BTG2: variants seen among roughly 807,000 people sequenced by gnomAD.
BTG2 encodes protein BTG2.
A neutral mutation model predicts 13.1 loss-of-function variants in BTG2; 9 were observed. The observed-to-expected ratio is 0.69, with a 90% confidence interval of 0.41 to 1.20. The LOEUF is 1.20. Ranked by LOEUF, BTG2 falls within the 50% of genes most tolerant of loss-of-function variation. BTG2 has a pLI of 0.00. For synonymous variants in BTG2, 92 were observed against 88.6 expected (o/e 1.04, Z -0.21); for missense variants, 200 against 209.5 (o/e 0.95, Z 0.28).
At position 203,305,615 on chromosome 1, in the gene BTG2, C is replaced by A; in HGVS notation, c.9C>A (p.His3Gln). 6.2e-7 allele frequency: 1 copy of A among 1,602,692 alleles called. No homozygotes were observed. Among genetic ancestry groups the A allele is most frequent in the Non-Finnish European group, 8.5e-7 (1 of 1,174,730 alleles). MSHGKGTDMLPEI... is the reference protein window; with the variant it reads MSQGKGTDMLPEI... ...CCCGAGCCGCGCGCGACATGAGCCACGGGAAGGGAACCGACATGCTCCCGG... is the reference window on the plus strand; with the variant it reads ...CCCGAGCCGCGCGCGACATGAGCCAAGGGAAGGGAACCGACATGCTCCCGG... Residue 3 changes from histidine to glutamine, a missense_variant, in exon 1 of 2, where the codon CAC (histidine) becomes CAA (glutamine). Coordinates refer to ENST00000290551, the MANE Select transcript of BTG2 (RefSeq NM_006763.3).
rs11586635 is a variant in BTG2, at chr1:203,308,649, G to T, written c.*1211G>T. The T allele has an allele frequency of 8.6e-4, 131 of 152,720 alleles. No homozygotes were observed. The highest frequency in any genetic ancestry group is 4.3e-4 in the Non-Finnish European group (29 of 68,014). The allele number at this position is 152,720 out of a possible 1,614,324, so 9.5% of individuals were successfully genotyped here. On this transcript the variant is annotated 3_prime_UTR_variant, in exon 2 of 2. Coordinates refer to ENST00000290551, the MANE Select transcript of BTG2 (RefSeq NM_006763.3). Reference sequence around the variant, plus strand: ...CTTGCATGTATTCCTTGGCTGAATGGGAGAGTGCCCCATGTTCTGCAAGAC... The same window carrying T: ...CTTGCATGTATTCCTTGGCTGAATGTGAGAGTGCCCCATGTTCTGCAAGAC...
rs907617206 is a variant in BTG2 at position 203,308,163 on chromosome 1, G to C, written c.*725G>C. On this transcript the variant is annotated 3_prime_UTR_variant, in exon 2 of 2. Transcript: ENST00000290551. Reference sequence around the variant, plus strand: ...AGGTTATTGGGGTTAGGATGGAAGGGAACTCTGCACAAAACCTTTGCTTTG... The same window carrying C: ...AGGTTATTGGGGTTAGGATGGAAGGCAACTCTGCACAAAACCTTTGCTTTG... 6.6e-6 allele frequency: 1 copy of C among 152,540 alleles called. No individual in the cohort carries two copies. Among genetic ancestry groups the C allele is most frequent in the Non-Finnish European group, 1.5e-5 (1 of 68,020 alleles). 9.4% of individuals were successfully genotyped at this position (152,540 alleles called of 1,614,324 possible). A position where few individuals can be genotyped will look rare whatever the true frequency, so the allele number is the denominator to read the frequency against.
chr1:203,306,099 T>C (rs1658256679), intron 1 of BTG2, among the ~76,000 whole-genome samples: 1 of 151,916 alleles, frequency 6.6e-6, no homozygotes, highest in African/African-American at 2.4e-5. Flanking sequence ...TCGATGGATG[T>C]TGTTGCGGGC....
rs1185363200 is a variant in BTG2 at position 203,308,123 on chromosome 1, G to C, written c.*685G>C. ...AAAGCTTTGGGTTTTCTGAGGGGGG[G>C]GAGGAGGGAACTGGAGGTTATTGGG... On this transcript the variant is annotated 3_prime_UTR_variant, in exon 2 of 2. Coordinates refer to ENST00000290551, the MANE Select transcript of BTG2 (RefSeq NM_006763.3). The C allele has an allele frequency of 6.6e-6, 1 of 152,514 alleles. No individual in the cohort carries two copies. Among genetic ancestry groups the C allele is most frequent in the African/African-American group, 2.4e-5 (1 of 41,372 alleles). The allele number at this position is 152,514 out of a possible 1,614,324, so 9.4% of individuals were successfully genotyped here.
chr1:203,305,594 A>C lies in BTG2; in HGVS notation c.-13A>C. 3 of 1,599,946 alleles carry C rather than the reference A, an allele frequency of 1.9e-6. No individual in the cohort carries two copies. The highest frequency in any genetic ancestry group is 2.6e-6 in the Non-Finnish European group (3 of 1,173,282). ...CACCCGAGACCTCTCACTGAGCCCG[A>C]GCCGCGCGCGACATGAGCCACGGGA... On this transcript the variant is annotated 5_prime_UTR_variant, in exon 1 of 2. Coordinates refer to ENST00000290551, the MANE Select transcript of BTG2 (RefSeq NM_006763.3).
In BTG2 at chr1:203,305,745, A is replaced by C; in HGVS notation, c.139A>C (p.Thr47Pro). 1 of 1,547,028 alleles carries C rather than the reference A, an allele frequency of 6.5e-7. No individual in the cohort carries two copies. Among genetic ancestry groups the C allele is most frequent in the Non-Finnish European group, 8.7e-7 (1 of 1,145,544 alleles). The stretch of plus-strand genomic sequence containing the variant: ...CAGCGGGGCGCTCCAGGAGGCACTC[A>C]CAGGTGAGCGCATGCCGAGGGGCCT... ...VFSGALQEAL[T>P]EHYKHHWFPE... Residue 47 changes from threonine to proline, a missense_variant, in exon 1 of 2, where the codon ACA becomes CCA. By Grantham distance (38) the Thr-to-Pro change is conservative. Transcript: ENST00000290551.
At chr1:203,306,567 T>C (rs10920607) in intron 1 of BTG2, among the ~76,000 whole-genome samples, 26,558 of 152,062 alleles carry the variant, frequency 0.17, 3,139 homozygotes, top group East Asian at 0.43. Flanking sequence ...GAAGGTTCTC[T>C]GACTCTTCTG....
At position 203,305,548 on chromosome 1, in the gene BTG2, G is replaced by A; in HGVS notation, c.-59G>A. 6.4e-7 allele frequency: 1 copy of A among 1,555,134 alleles called. No homozygotes were observed. Among genetic ancestry groups the A allele is most frequent in the Non-Finnish European group, 8.7e-7 (1 of 1,149,248 alleles). ...CCCGAGCAGCGGCCAGGGTAACGCT[G>A]TCTTGTGGACCCGCACTTCCCACCC... On this transcript the variant is annotated 5_prime_UTR_variant, in exon 1 of 2. Transcript: ENST00000290551.
Position 203,307,717 on chromosome 1 carries a change from G to T in BTG2, c.*279G>T. On this transcript the variant is annotated 3_prime_UTR_variant, in exon 2 of 2. Transcript: ENST00000290551. ...TGCCTATAGGAGGGGGAGCTGTTAG[G>T]GGGTAGACCTAGCCAAGGAGAAGTG... 4.2e-6 allele frequency: 1 copy of T among 238,860 alleles called. No homozygotes were observed. The highest frequency in any genetic ancestry group is 7.9e-6 in the Non-Finnish European group (1 of 126,254). The allele number at this position is 238,860 out of a possible 1,614,324, so 14.8% of individuals were successfully genotyped here. A position where few individuals can be genotyped will look rare whatever the true frequency, so the allele number is the denominator to read the frequency against.
At position 203,305,563 on chromosome 1, in the gene BTG2, A is replaced by C. The variant is rs1239816460; in HGVS notation, c.-44A>C. 6.3e-7 allele frequency: 1 copy of C among 1,576,004 alleles called. No homozygotes were observed. Among genetic ancestry groups the C allele is most frequent in the African/African-American group, 1.4e-5 (1 of 73,070 alleles). On this transcript the variant is annotated 5_prime_UTR_variant, in exon 1 of 2. Transcript: ENST00000290551. ...GGGTAACGCTGTCTTGTGGACCCGCACTTCCCACCCGAGACCTCTCACTGA... is the reference window on the plus strand; with the variant it reads ...GGGTAACGCTGTCTTGTGGACCCGCCCTTCCCACCCGAGACCTCTCACTGA...
rs1451389860 is a variant in BTG2 at position 203,307,413 on chromosome 1, A to G, written c.452A>G (p.Asn151Ser). The G allele has an allele frequency of 5.0e-6, 8 of 1,596,630 alleles. No homozygotes were observed. The highest frequency in any genetic ancestry group is 6.9e-6 in the Non-Finnish European group (8 of 1,167,442). The change falls in exon 2 of 2, where the codon AAC becomes AGC. Residue 151 changes from asparagine to serine, a missense_variant. Transcript: ENST00000290551. ...VLLGRSSPSK[N>S]YVMAVSS Reference sequence around the variant, plus strand: ...CTGGGCCGGAGCAGCCCCTCCAAGAACTACGTGATGGCAGTCTCCAGCTAG... The same window carrying G: ...CTGGGCCGGAGCAGCCCCTCCAAGAGCTACGTGATGGCAGTCTCCAGCTAG...
In BTG2 at chr1:203,305,593, G is replaced by C. The variant is rs1180737634; in HGVS notation, c.-14G>C. Reference sequence around the variant, plus strand: ...CCACCCGAGACCTCTCACTGAGCCCGAGCCGCGCGCGACATGAGCCACGGG... The same window carrying C: ...CCACCCGAGACCTCTCACTGAGCCCCAGCCGCGCGCGACATGAGCCACGGG... On this transcript the variant is annotated 5_prime_UTR_variant, in exon 1 of 2. Coordinates refer to ENST00000290551, the MANE Select transcript of BTG2 (RefSeq NM_006763.3). The C allele has an allele frequency of 2.5e-6, 4 of 1,600,574 alleles. No individual in the cohort carries two copies. The highest frequency in any genetic ancestry group is 3.4e-6 in the Non-Finnish European group (4 of 1,173,386).
chr1:203,308,222 A>G lies in BTG2; in HGVS notation c.*784A>G, dbSNP rs1658318279. The stretch of plus-strand genomic sequence containing the variant: ...GCTTTGTGTGTATGTGTGGCAAATA[A>G]TTTGGGGGTGATTTGCAATGAAATT... On this transcript the variant is annotated 3_prime_UTR_variant, in exon 2 of 2. Coordinates refer to ENST00000290551, the MANE Select transcript of BTG2 (RefSeq NM_006763.3). 6.6e-6 allele frequency: 1 copy of G among 152,564 alleles called. No homozygotes were observed. Among genetic ancestry groups the G allele is most frequent in the Admixed American group, 6.5e-5 (1 of 15,280 alleles). 9.5% of individuals were successfully genotyped at this position (152,564 alleles called of 1,614,324 possible).
At chr1:203,306,859 C>A (rs1416551649) in intron 1 of BTG2, among the ~76,000 whole-genome samples, 1 of 96,874 alleles carries the variant, frequency 1.0e-5, no homozygotes, top group East Asian at 2.1e-4. Flanking sequence ...CACACACACA[C>A]ACACACACAC....
intron 1 of BTG2, among the ~76,000 whole-genome samples, chr1:203,306,126 G>A (rs1017119075): frequency 6.6e-5 from 10 of 152,344 alleles, no homozygotes; most frequent in East Asian, 1.9e-4. Context: ...GTCGGCCGAG[G>A]GGTCCCGATG....
At chr1:203,306,459 T>A (rs563075758) in intron 1 of BTG2, among the ~76,000 whole-genome samples, 2 of 152,144 alleles carry the variant, frequency 1.3e-5, no homozygotes, top group African/African-American at 4.8e-5. Flanking sequence ...TGGGAAGCGA[T>A]AGCCATCTCG....
At chr1:203,305,973 C>G (rs557974008) in intron 1 of BTG2, among the ~76,000 whole-genome samples, 1 of 152,318 alleles carries the variant, frequency 6.6e-6, no homozygotes. Context: ...GCGCGCCCCT[C>G]TACGCTCTCG....
rs1370577976 is a variant in BTG2 at position 203,308,876 on chromosome 1, A to T, written c.*1438A>T. ...CACTGGGAAGAAACTCCCTTCCTTCAATTTCTCAGTGACATTGATGAGGGG... is the reference window on the plus strand; with the variant it reads ...CACTGGGAAGAAACTCCCTTCCTTCTATTTCTCAGTGACATTGATGAGGGG... On this transcript the variant is annotated 3_prime_UTR_variant, in exon 2 of 2. Coordinates refer to ENST00000290551, the MANE Select transcript of BTG2 (RefSeq NM_006763.3). 2.0e-5 allele frequency: 3 copies of T among 152,602 alleles called. No homozygotes were observed. The highest frequency in any genetic ancestry group is 4.4e-5 in the Non-Finnish European group (3 of 68,034). The allele number at this position is 152,602 out of a possible 1,614,324, so 9.5% of individuals were successfully genotyped here.
Position 203,307,190 on chromosome 1 carries a change from A to G in BTG2, c.229A>G (p.Ile77Val), listed in dbSNP as rs1272895939. ...CIRINHKMDP[I>V]ISRVASQIGL... is the part of the protein sequence containing the mutation. ...TCGCATCAACCACAAGATGGACCCCATCATCAGCAGGGTGGCCAGCCAGAT... is the reference window on the plus strand; with the variant it reads ...TCGCATCAACCACAAGATGGACCCCGTCATCAGCAGGGTGGCCAGCCAGAT... The change falls in exon 2 of 2, where the codon ATC becomes GTC. Residue 77 changes from isoleucine (I) to valine (V), a missense_variant. Transcript: ENST00000290551. 2 of 1,614,258 alleles carry G rather than the reference A, an allele frequency of 1.2e-6. No individual in the cohort carries two copies. The highest frequency in any genetic ancestry group is 1.7e-6 in the Non-Finnish European group (2 of 1,180,044).
Sources: allele counts gnomAD v4.1 joint callset (sites outside exome capture counted in the v4.1 genomes callset), GRCh38; gene constraint gnomAD v4.1.1; transcripts MANE v1.5; gene names NCBI Gene and HGNC (gene_info 2026-07-23, HGNC 2026-07-21).